Variants in KPNA4 observed in about 807,000 individuals in gnomAD.
KPNA4 encodes the protein importin subunit alpha-3.
Under a neutral mutation model 71.3 loss-of-function variants are expected in KPNA4, and 13 were observed. The observed-to-expected ratio is 0.18, with a 90% CI of 0.12 to 0.29. KPNA4 has a LOEUF of 0.29. Among genes scored for constraint, KPNA4 ranks in the 10% least tolerant of loss-of-function variants. The pLI is 1.00. For synonymous variants in KPNA4, 189 were observed against 195.2 expected (o/e 0.97, Z 0.26); for missense variants, 334 against 603.2 (o/e 0.55, Z 4.67).
chr3:160,547,166 C>T (rs1288838930), intron 1 of KPNA4, among the ~76,000 whole-genome samples: 2 of 152,118 alleles, frequency 1.3e-5, no homozygotes, highest in African/African-American at 4.8e-5. Flanking sequence ...TCATGACATC[C>T]AATGTATTAA....
At position 160,558,757 on chromosome 3, in the gene KPNA4, T is replaced by A. The variant is rs533715482; in HGVS notation, c.69+6457A>T. 8.2e-3 allele frequency among the ~76,000 whole-genome samples: 1,244 copies of A among 151,240 alleles called. 17 individuals are homozygous for A. Among genetic ancestry groups the A allele is most frequent in the African/African-American group, 0.022 (915 of 41,280 alleles). ...CCTAATGATAATACTAATACTTTTT[T>A]TAAAAAAAAAATTGTATTAACACTT... On this transcript the variant is annotated intron_variant, in intron 1 of 16. Transcript: ENST00000334256.
chr3:160,519,703 G>C (rs952340856), intron 11 of KPNA4, among the ~76,000 whole-genome samples: 1 of 150,560 alleles, frequency 6.6e-6, no homozygotes, highest in South Asian at 2.1e-4. Flanking sequence ...GCTGAGGCAG[G>C]AGAATGGCGT....
intron 13 of KPNA4, 127 bp from the exon 14 acceptor site, chr3:160,509,998 T>C (rs1721059258): frequency 4.5e-6 from 3 of 661,514 alleles, no homozygotes; most frequent in Non-Finnish European, 2.7e-6. Context: ...GTATATATCA[T>C]TTTTTCTTAT....
chr3:160,500,190 T>C lies in KPNA4; in HGVS notation c.*1914A>G. 1 of 152,558 alleles carries C rather than the reference T, an allele frequency of 6.6e-6. No homozygotes were observed. The allele number at this position is 152,558 out of a possible 1,614,324, so 9.5% of individuals were successfully genotyped here. On this transcript the variant is annotated 3_prime_UTR_variant, in exon 17 of 17. Transcript: ENST00000334256. ...TGTAAAACATTGCTTTAAGTTTTAA[T>C]GTTTATTTCCCCAAGACAGCCTAGC...
At chr3:160,544,466 A>G (rs188275750) in intron 1 of KPNA4, among the ~76,000 whole-genome samples, 1 of 152,388 alleles carries the variant, frequency 6.6e-6, no homozygotes, top group Admixed American at 6.5e-5. Flanking sequence ...TTAATGGGTT[A>G]TAAGGGAATT....
chr3:160,501,828 C>T lies in KPNA4; in HGVS notation c.*276G>A, dbSNP rs1720888380. The T allele has an allele frequency of 6.1e-6, 1 of 162,860 alleles. No individual in the cohort carries two copies. The highest frequency in any genetic ancestry group is 2.8e-3 in the Middle Eastern group (1 of 352). 10.1% of individuals were successfully genotyped at this position (162,860 alleles called of 1,614,324 possible). ...GACCTGTAGCCCTTTTTACTTTGAACAACCTAAATAAGCATTCATGTAAAG... is the reference window on the plus strand; with the variant it reads ...GACCTGTAGCCCTTTTTACTTTGAATAACCTAAATAAGCATTCATGTAAAG... On this transcript the variant is annotated 3_prime_UTR_variant, in exon 17 of 17. Coordinates refer to ENST00000334256, the MANE Select transcript of KPNA4 (RefSeq NM_002268.5).
In KPNA4 at chr3:160,495,290, A is replaced by G. The variant is rs1345286979; in HGVS notation, c.*6814T>C. ...TGACTTCTTGAAGGAGTAAATATCT[A>G]GAATATTCAAGGACGTAAAGTGCGG... On this transcript the variant is annotated 3_prime_UTR_variant, in exon 17 of 17. Coordinates refer to ENST00000334256, the MANE Select transcript of KPNA4 (RefSeq NM_002268.5). The G allele has an allele frequency of 6.6e-6, 1 of 152,244 alleles. No individual in the cohort carries two copies. The highest frequency in any genetic ancestry group is 1.5e-5 in the Non-Finnish European group (1 of 68,036). 9.4% of individuals were successfully genotyped at this position (152,244 alleles called of 1,614,324 possible).
chr3:160,518,686 C>T (rs758413342), intron 11 of KPNA4, among the ~76,000 whole-genome samples: 5 of 151,582 alleles, frequency 3.3e-5, no homozygotes, highest in Non-Finnish European at 5.9e-5. Flanking sequence ...ACGGTGAAAC[C>T]CTATCTCTAC....
chr3:160,559,880 T>C (rs1287669417), intron 1 of KPNA4, among the ~76,000 whole-genome samples: 1 of 152,128 alleles, frequency 6.6e-6, no homozygotes, highest in Non-Finnish European at 1.5e-5. Flanking sequence ...TTATGTATTT[T>C]TGGTTTTGAA....
At chr3:160,514,340 T>C (rs889027709) in intron 12 of KPNA4, among the ~76,000 whole-genome samples, 159 bp from the exon 13 acceptor site, 15 of 152,216 alleles carry the variant, frequency 9.9e-5, no homozygotes, top group African/African-American at 3.1e-4. Context: ...CCCCTTTCCA[T>C]ATTTTCTTTG....
intron 16 of KPNA4, among the ~76,000 whole-genome samples, chr3:160,503,899 A>G (rs1307297405): frequency 9.8e-5 from 15 of 152,296 alleles, no homozygotes; most frequent in Non-Finnish European, 5.9e-5. Context: ...CCAGGGCAAC[A>G]TAGGGAGACC....
At chr3:160,536,719 A>G (rs1431763508) in intron 2 of KPNA4, 77 bp downstream of exon 2, 1 of 725,626 alleles carries the variant, frequency 1.4e-6, no homozygotes, top group Non-Finnish European at 2.2e-6. Flanking sequence ...AACATAATAT[A>G]TATTTGGCAT....
At chr3:160,555,019 C>T (rs1012132987) in intron 1 of KPNA4, among the ~76,000 whole-genome samples, 4 of 152,188 alleles carry the variant, frequency 2.6e-5, no homozygotes, top group Non-Finnish European at 4.4e-5. Context: ...ATAACCTGTG[C>T]TTGTGATTCC....
At chr3:160,562,718 T>G (rs1180689534) in intron 1 of KPNA4, among the ~76,000 whole-genome samples, 1 of 152,206 alleles carries the variant, frequency 6.6e-6, no homozygotes, top group Non-Finnish European at 1.5e-5. Flanking sequence ...GTGAAAATAT[T>G]CCTACCCCTA....
intron 1 of KPNA4, among the ~76,000 whole-genome samples, chr3:160,557,735 C>T (rs1478516199): frequency 1.3e-5 from 2 of 152,186 alleles, no homozygotes; most frequent in African/African-American, 4.8e-5. Context: ...AGTGCAGTGG[C>T]ATGGTCATAG....
At chr3:160,537,484 T>A (rs945337583) in intron 1 of KPNA4, among the ~76,000 whole-genome samples, 11 of 151,802 alleles carry the variant, frequency 7.2e-5, no homozygotes, top group Non-Finnish European at 1.3e-4. Flanking sequence ...ATTTTTCTCA[T>A]TTTTTAAGTT....
At chr3:160,555,923 C>T (rs150105300) in intron 1 of KPNA4, among the ~76,000 whole-genome samples, 2,211 of 152,276 alleles carry the variant, frequency 0.015, 55 homozygotes, top group African/African-American at 0.046. Flanking sequence ...CCTCCACCTC[C>T]TGGGTTCAAG....
chr3:160,510,834 C>A (rs1325926185), intron 13 of KPNA4, among the ~76,000 whole-genome samples: 1 of 151,886 alleles, frequency 6.6e-6, no homozygotes, highest in East Asian at 1.9e-4. Flanking sequence ...GTTGCCTAGG[C>A]TGGAGTGCAG....
In KPNA4 at chr3:160,498,953, G is replaced by A. The variant is rs1720822195; in HGVS notation, c.*3151C>T. On this transcript the variant is annotated 3_prime_UTR_variant, in exon 17 of 17. Transcript: ENST00000334256. The stretch of plus-strand genomic sequence containing the variant: ...CTGTAACTTTTTCCTTGAGGAAACT[G>A]AGGCAATGGAGAATCCAAAAAGGGT... The A allele has an allele frequency of 6.6e-6, 1 of 152,182 alleles. No individual in the cohort carries two copies. Among genetic ancestry groups the A allele is most frequent in the Non-Finnish European group, 1.5e-5 (1 of 68,046 alleles). 9.4% of individuals were successfully genotyped at this position (152,182 alleles called of 1,614,324 possible). A position where few individuals can be genotyped will look rare whatever the true frequency, so the allele number is the denominator to read the frequency against.
Sources: allele counts gnomAD v4.1 joint callset (sites outside exome capture counted in the v4.1 genomes callset), GRCh38; gene constraint gnomAD v4.1.1; transcripts MANE v1.5; gene names NCBI Gene and HGNC (gene_info 2026-07-23, HGNC 2026-07-21).